DYM: variants seen among roughly 807,000 people sequenced by gnomAD.
DYM encodes the protein dymeclin, also known as dyggve-Melchior-Clausen syndrome protein.
Under a neutral mutation model 93.1 loss-of-function variants are expected in DYM, and 78 were observed. That is an observed-to-expected ratio of 0.84 (90% CI 0.70 to 1.01). The LOEUF (loss-of-function observed/expected upper bound fraction) is 1.01. Ranked by LOEUF, DYM falls within the 50% of genes least tolerant of loss-of-function variation. The pLI is 0.00. For missense variants in DYM, 789 were observed against 845.0 expected (o/e 0.93, Z 0.82); for synonymous variants, 321 against 319.7 (o/e 1.00, Z -0.04).
chr18:49,334,251 G>A (rs1446329942), intron 6 of DYM, among the ~76,000 whole-genome samples: 2 of 152,074 alleles, frequency 1.3e-5, no homozygotes, highest in African/African-American at 4.8e-5. Flanking sequence ...TACAGTGTAG[G>A]GAAGAAAACA....
At chr18:49,438,326 C>T (rs1300402045) in intron 1 of DYM, among the ~76,000 whole-genome samples, 1 of 151,990 alleles carries the variant, frequency 6.6e-6, no homozygotes, top group African/African-American at 2.4e-5. Flanking sequence ...GAGTACAGTG[C>T]CTCCTTCCCC....
chr18:49,104,948 C>G (rs1284266542), intron 16 of DYM, among the ~76,000 whole-genome samples: 1 of 152,188 alleles, frequency 6.6e-6, no homozygotes, highest in Non-Finnish European at 1.5e-5. Context: ...AGGATTCCCT[C>G]TTTTTCTATT....
At chr18:49,356,072 T>C (rs1312108339) in intron 6 of DYM, among the ~76,000 whole-genome samples, 1 of 152,132 alleles carries the variant, frequency 6.6e-6, no homozygotes, top group Admixed American at 6.5e-5. Context: ...CAGAAAATAT[T>C]CAAATGTAAT....
chr18:49,120,684 A>T (rs1361078400), intron 15 of DYM, among the ~76,000 whole-genome samples: 1 of 152,218 alleles, frequency 6.6e-6, no homozygotes, highest in African/African-American at 2.4e-5. Flanking sequence ...GTATCAGGTA[A>T]AGTAGACTTC....
chr18:49,082,362 A>G (rs79082509), intron 17 of DYM, among the ~76,000 whole-genome samples: 8,742 of 152,304 alleles, frequency 0.057, 333 homozygotes, highest in Middle Eastern at 0.12. Flanking sequence ...TTATATGTTC[A>G]GACTTTCTAG....
At chr18:49,299,604 G>A (rs1292806001) in intron 8 of DYM, among the ~76,000 whole-genome samples, 7 of 152,108 alleles carry the variant, frequency 4.6e-5, no homozygotes, top group Non-Finnish European at 7.4e-5. Flanking sequence ...GGTTCCCTGA[G>A]AGAGGGCCTT....
At position 49,118,736 on chromosome 18, in the gene DYM, A is replaced by G; in HGVS notation, c.1911+8T>C. 6.2e-7 allele frequency: 1 copy of G among 1,610,172 alleles called. No individual in the cohort carries two copies. Among genetic ancestry groups the G allele is most frequent in the Non-Finnish European group, 8.5e-7 (1 of 1,176,434 alleles). On this transcript the variant is annotated splice_region_variant and intron_variant, in intron 16 of 17. Transcript: ENST00000675505. ...AGAATCATAATAAATGTCTTCATTT[A>G]CACTCACCAGATCAATATTTTGCAT... is the stretch of plus-strand genomic sequence containing the variant.
chr18:49,151,689 G>A (rs1196831696), intron 15 of DYM, among the ~76,000 whole-genome samples: 1 of 152,108 alleles, frequency 6.6e-6, no homozygotes, highest in Admixed American at 6.6e-5. Context: ...GACGCTTGAG[G>A]GGACTATGGT....
chr18:49,373,191 A>T (rs2067202382), intron 5 of DYM, among the ~76,000 whole-genome samples: 1 of 152,162 alleles, frequency 6.6e-6, no homozygotes, highest in Non-Finnish European at 1.5e-5. Context: ...CCCAATCCAG[A>T]CCCCAAGACA....
intron 8 of DYM, among the ~76,000 whole-genome samples, chr18:49,322,678 AATTT>A (rs1383787320): frequency 2.6e-5 from 4 of 152,048 alleles, no homozygotes; most frequent in Admixed American, 1.3e-4. Flanking sequence ...TAATTTTCAT[AATTT>A]ATTTACATTA....
At chr18:49,249,229 A>T (rs2144911681) in intron 13 of DYM, among the ~76,000 whole-genome samples, 1 of 152,356 alleles carries the variant, frequency 6.6e-6, no homozygotes, top group Middle Eastern at 3.4e-3. Context: ...CCAGACTTCA[A>T]CTAGCCTTAA....
At chr18:49,244,843 T>C (rs2076548587) in intron 13 of DYM, among the ~76,000 whole-genome samples, 1 of 152,210 alleles carries the variant, frequency 6.6e-6, no homozygotes, top group South Asian at 2.1e-4. Context: ...AAATACCTAC[T>C]GCACCATCAA....
chr18:49,363,073 CA>C, intron 6 of DYM, 87 bp downstream of exon 6: 1 of 1,041,712 alleles, frequency 9.6e-7, no homozygotes. Context: ...AAGTTCTATA[CA>C]AGGACCCACA....
intron 16 of DYM, among the ~76,000 whole-genome samples, chr18:49,101,804 GAAAT>G (rs2080173985): frequency 2.0e-5 from 3 of 152,132 alleles, no homozygotes; most frequent in African/African-American, 7.2e-5. Context: ...ATTTACCAGG[GAAAT>G]AAATAGATGA....
chr18:49,131,557 T>C (rs1191608034), intron 15 of DYM, among the ~76,000 whole-genome samples: 2 of 152,142 alleles, frequency 1.3e-5, no homozygotes, highest in Non-Finnish European at 2.9e-5. Context: ...CCACCCCTAC[T>C]GGATAAGGGG....
chr18:49,386,061 C>T (rs930859731), intron 3 of DYM, among the ~76,000 whole-genome samples: 1 of 152,024 alleles, frequency 6.6e-6, no homozygotes, highest in Non-Finnish European at 1.5e-5. Context: ...ATCTTCCTGC[C>T]GTGGCCTCCC....
chr18:49,258,131 A>G (rs139570240), intron 12 of DYM, among the ~76,000 whole-genome samples: 128 of 152,348 alleles, frequency 8.4e-4, no homozygotes, highest in African/African-American at 2.7e-3. Flanking sequence ...AAGACATACA[A>G]TAGCTTTTAT....
intron 17 of DYM, among the ~76,000 whole-genome samples, chr18:49,049,291 A>G (rs1195104599): frequency 6.6e-6 from 1 of 152,242 alleles, no homozygotes; most frequent in Non-Finnish European, 1.5e-5. Flanking sequence ...AGGCAGGCAG[A>G]TAATTTGAGT....
intron 13 of DYM, among the ~76,000 whole-genome samples, chr18:49,237,014 G>A (rs776545911): frequency 1.3e-5 from 2 of 152,140 alleles, no homozygotes; most frequent in Non-Finnish European, 2.9e-5. Context: ...AAACTCTCCT[G>A]CAGTTGCTTA....
Sources: gnomAD v4.1 joint callset for allele counts (sites outside exome capture counted in the v4.1 genomes callset) on GRCh38, gnomAD v4.1.1 for gene constraint, MANE v1.5 for transcripts, NCBI Gene and HGNC (gene_info 2026-07-23, HGNC 2026-07-21) for gene names.